SPON1: variants seen among roughly 807,000 people sequenced by gnomAD.
SPON1 encodes spondin-1.
A neutral mutation model predicts 111.7 loss-of-function variants in SPON1; 52 were observed. The ratio of observed to expected loss-of-function variants is 0.47; its 90% confidence interval spans 0.37 to 0.59. The LOEUF (loss-of-function observed/expected upper bound fraction) is 0.59, where lower values mean the gene tolerates loss of function less well. Ranked by LOEUF, SPON1 falls within the 20% of genes least tolerant of loss-of-function variation. SPON1 has a pLI of 0.00. For synonymous variants in SPON1, 410 were observed against 395.8 expected, an observed-to-expected ratio of 1.04 and a Z score of -0.43; for missense variants, 957 against 1,068.5, an observed-to-expected ratio of 0.90 and a Z score of 1.46.
At chr11:14,037,613 C>A (rs1164218768) in intron 2 of SPON1, among the ~76,000 whole-genome samples, 2 of 151,006 alleles carry the variant, frequency 1.3e-5, no homozygotes, top group East Asian at 3.9e-4. Context: ...GTGTAAAATG[C>A]AGAACTATAA....
At chr11:14,155,936 T>G (rs1435900198) in intron 6 of SPON1, among the ~76,000 whole-genome samples, 1 of 132,946 alleles carries the variant, frequency 7.5e-6, no homozygotes, top group African/African-American at 2.7e-5. Context: ...TCTTTGCTAT[T>G]GTGAATAGTG....
chr11:14,191,858 A>G (rs1406511246), intron 6 of SPON1, among the ~76,000 whole-genome samples: 6 of 152,200 alleles, frequency 3.9e-5, no homozygotes, highest in Non-Finnish European at 8.8e-5. Flanking sequence ...CAACTTTCAA[A>G]TAATCTTTAC....
chr11:14,208,291 A>G (rs1370622975), intron 6 of SPON1, among the ~76,000 whole-genome samples: 1 of 152,132 alleles, frequency 6.6e-6, no homozygotes, highest in Non-Finnish European at 1.5e-5. Context: ...TAATCTGTAT[A>G]ACAAACGCCA....
intron 6 of SPON1, among the ~76,000 whole-genome samples, chr11:14,140,393 G>C (rs1847639715): frequency 6.6e-6 from 1 of 152,088 alleles, no homozygotes; most frequent in South Asian, 2.1e-4. Flanking sequence ...ATCTTCAGTG[G>C]TATTTGTTTT....
rs1554931286 is a variant in SPON1, at chr11:14,161,297, A to ATATATATC, written c.825+25736_825+25737insCTATATAT. On this transcript the variant is annotated intron_variant, in intron 6 of 15. Transcript: ENST00000576479. ...TATATCTATATATATTTATATATTT[A>ATATATATC]TATATATATTTTTTTATATCTATAT... 1.8e-4 allele frequency among the ~76,000 whole-genome samples: 15 copies of ATATATATC among 84,698 alleles called. 1 individual carries two copies. The East Asian group carries it at 2.8e-3, about 16-fold the overall frequency. 55.6% of individuals were successfully genotyped at this position (84,698 alleles called of 152,430 possible).
At chr11:14,091,222 ACT>A (rs1212690158) in intron 5 of SPON1, among the ~76,000 whole-genome samples, 6 of 151,734 alleles carry the variant, frequency 4.0e-5, no homozygotes, top group Non-Finnish European at 4.4e-5. Context: ...AGATATAAAG[ACT>A]CTCCACGTCC....
rs1227535720 is a variant in SPON1 at position 14,150,067 on chromosome 11, C to T, written c.825+14499C>T. 2.0e-5 allele frequency among the ~76,000 whole-genome samples: 3 copies of T among 152,056 alleles called. No individual in the cohort carries two copies. In the East Asian group the frequency reaches 5.8e-4, roughly 29 times the overall value. ...CACAATAGCCAAGATATGGAATCAA[C>T]ATAAGTGTCCATCAACAAATCAATG... is the stretch of plus-strand genomic sequence containing the variant. On this transcript the variant is annotated intron_variant, in intron 6 of 15. Transcript: ENST00000576479.
intron 6 of SPON1, among the ~76,000 whole-genome samples, chr11:14,160,945 TTATATATTTA>T (rs1396971999): frequency 7.7e-4 from 31 of 40,336 alleles, no homozygotes; most frequent in East Asian, 7.4e-3. Flanking sequence ...ATATATATAT[TTATATATTTA>T]TATATATTTA....
intron 2 of SPON1, among the ~76,000 whole-genome samples, chr11:14,020,272 C>T (rs968864150): frequency 6.6e-6 from 1 of 152,082 alleles, no homozygotes. Context: ...AGAAGAAATC[C>T]AGAGAAGCAC....
In SPON1 at chr11:14,141,026, C is replaced by CG. The variant is rs1554928712; in HGVS notation, c.825+5458_825+5459insG. On this transcript the variant is annotated intron_variant, in intron 6 of 15. Coordinates refer to ENST00000576479, the MANE Select transcript of SPON1 (RefSeq NM_006108.4). ...CATCCACTGTATGCAGGCGTGCCCCCCCCATGCCCCACTTCTCACTGGCTC... is the reference window on the plus strand; with the variant it reads ...CATCCACTGTATGCAGGCGTGCCCCCGCCCATGCCCCACTTCTCACTGGCTC... Among the ~76,000 whole-genome samples the CG allele has an allele frequency of 8.0e-5, 10 of 124,680 alleles. 1 individual carries two copies. Among genetic ancestry groups the CG allele is most frequent in the East Asian group, 2.8e-4 (1 of 3,550 alleles). 81.8% of individuals were successfully genotyped at this position (124,680 alleles called of 152,430 possible).
chr11:14,154,946 G>T (rs1258965863), intron 6 of SPON1, among the ~76,000 whole-genome samples: 1 of 152,118 alleles, frequency 6.6e-6, no homozygotes, highest in African/African-American at 2.4e-5. Flanking sequence ...TAAGTTCAAA[G>T]TTCCACAGAT....
intron 6 of SPON1, among the ~76,000 whole-genome samples, chr11:14,163,547 C>T (rs1050934264): frequency 6.6e-6 from 1 of 151,998 alleles, no homozygotes; most frequent in Non-Finnish European, 1.5e-5. Flanking sequence ...AGATTCTCCC[C>T]CCATACCTGG....
chr11:14,223,574 C>T (rs1417322690), intron 6 of SPON1, among the ~76,000 whole-genome samples: 11 of 152,152 alleles, frequency 7.2e-5, no homozygotes, highest in East Asian at 3.8e-4. Context: ...TCGGTTCTGT[C>T]GGTGTATCTC....
intron 6 of SPON1, among the ~76,000 whole-genome samples, chr11:14,155,064 TG>T (rs1200963077): frequency 2.0e-5 from 3 of 152,200 alleles, no homozygotes; most frequent in Non-Finnish European, 1.5e-5. Flanking sequence ...GACCTTAGCC[TG>T]GGCTTCACTG....
At chr11:14,054,407 A>G (rs1056378754) in intron 3 of SPON1, among the ~76,000 whole-genome samples, 1 of 152,214 alleles carries the variant, frequency 6.6e-6, no homozygotes, top group African/African-American at 2.4e-5. Context: ...AAGAGGGGGA[A>G]GCAGAAACAG....
In SPON1 at chr11:14,085,531, T is replaced by C. The variant is rs527774379; in HGVS notation, c.676+5510T>C. ...TATATCTGTTTTGGTACCAGTACCA[T>C]GCTGCTTTGGTTACTGTAGGCTTGT... On this transcript the variant is annotated intron_variant, in intron 5 of 15. Coordinates refer to ENST00000576479, the MANE Select transcript of SPON1 (RefSeq NM_006108.4). 1.3e-3 allele frequency among the ~76,000 whole-genome samples: 202 copies of C among 152,334 alleles called. 2 individuals are homozygous for C. The highest frequency in any genetic ancestry group is 2.3e-3 in the Non-Finnish European group (158 of 68,032).
intron 6 of SPON1, among the ~76,000 whole-genome samples, chr11:14,136,385 T>C (rs559235124): frequency 6.6e-6 from 1 of 152,316 alleles, no homozygotes; most frequent in African/African-American, 2.4e-5. Context: ...AAAGCATGCT[T>C]GGGATGTGAT....
chr11:14,244,454 G>T (rs1232341465), intron 7 of SPON1, among the ~76,000 whole-genome samples: 1 of 151,296 alleles, frequency 6.6e-6, no homozygotes, highest in Non-Finnish European at 1.5e-5. Context: ...GTAATCAGAG[G>T]TTGCAGTGAG....
chr11:14,200,970 A>G (rs1848455803), intron 6 of SPON1, among the ~76,000 whole-genome samples: 1 of 151,956 alleles, frequency 6.6e-6, no homozygotes, highest in African/African-American at 2.4e-5. Context: ...TTGGCCACTT[A>G]GTATCTGCAT....
Sources: allele counts gnomAD v4.1 joint callset (sites outside exome capture counted in the v4.1 genomes callset), GRCh38; gene constraint gnomAD v4.1.1; transcripts MANE v1.5; gene names NCBI Gene and HGNC (gene_info 2026-07-23, HGNC 2026-07-21).